The following DOCK11 variants were observed in gnomAD, a reference collection of about 807,000 sequenced individuals.
The protein encoded by DOCK11 is dedicator of cytokinesis 11, also known as dedicator of cytokinesis protein 11.
DOCK11 carries 70 observed loss-of-function variants against 169.1 expected under a neutral mutation model. The ratio of observed to expected loss-of-function variants is 0.41; its 90% CI spans 0.34 to 0.51. The LOEUF (loss-of-function observed/expected upper bound fraction) is 0.51. DOCK11 is among the 20% of genes least tolerant of loss of function. DOCK11 has a pLI of 0.10. For synonymous variants in DOCK11, 529 were observed against 541.3 expected, an observed-to-expected ratio of 0.98 and a Z score of 0.32; for missense variants, 1,166 against 1,538.8, an observed-to-expected ratio of 0.76 and a Z score of 4.05.
In DOCK11 at chrX:118,545,371, T is replaced by G; in HGVS notation, c.441T>G (p.Asp147Glu). The G allele has an allele frequency of 8.3e-7, 1 of 1,198,877 alleles. No individual in the cohort carries two copies. Among genetic ancestry groups the G allele is most frequent in the Non-Finnish European group, 1.1e-6 (1 of 889,150 alleles). ...EKIPNHVFEI[D>E]EDCEKDEDSS... ...TTCCTAATCATGTATTTGAGATAGA[T>G]GAAGACTGTGAGAAAGATGAGGTAA... is the stretch of plus-strand genomic sequence containing the variant. The change falls in exon 5 of 53, where the codon GAT (aspartate) becomes GAG (glutamate). Residue 147 changes from aspartate (D) to glutamate (E), a missense_variant. Coordinates refer to ENST00000276202, the MANE Select transcript of DOCK11 (RefSeq NM_144658.4).
intron 40 of DOCK11, among the ~76,000 whole-genome samples, chrX:118,646,178 T>G (rs768232442): frequency 9.0e-6 from 1 of 110,733 alleles, no homozygotes; most frequent in East Asian, 2.8e-4. Context: ...ATGACATACA[T>G]GTGCCAAGGC....
chrX:118,634,378 T>C (rs1222470632), intron 35 of DOCK11, among the ~76,000 whole-genome samples: 1 of 112,399 alleles, frequency 8.9e-6, no homozygotes, highest in Non-Finnish European at 1.9e-5. Flanking sequence ...GTTAAGAAAA[T>C]GGCGGACTTG....
At chrX:118,515,157 A>G (rs960540869) in intron 1 of DOCK11, among the ~76,000 whole-genome samples, 1 of 111,952 alleles carries the variant, frequency 8.9e-6, no homozygotes, top group African/African-American at 3.3e-5. Flanking sequence ...TTTCTTATCA[A>G]GATACTTGTG....
At chrX:118,547,461 A>G (rs746628262) in intron 6 of DOCK11, among the ~76,000 whole-genome samples, 61 of 112,403 alleles carry the variant, frequency 5.4e-4, no homozygotes, top group African/African-American at 1.8e-3. Flanking sequence ...GGCATCAGCA[A>G]GTGGTGATAA....
intron 41 of DOCK11, among the ~76,000 whole-genome samples, chrX:118,651,292 G>A (rs1402785478): frequency 9.0e-6 from 1 of 111,374 alleles, no homozygotes; most frequent in African/African-American, 3.3e-5. Flanking sequence ...AAATTAGTTA[G>A]GTGTGGTGGC....
rs1164519959 is a variant in DOCK11, at chrX:118,555,571, AAAAC to A, written c.559-5808_559-5805del. On this transcript the variant is annotated intron_variant, in intron 6 of 52. Transcript: ENST00000276202. ...GACTTCATCTTGAAAAGAAAAAAAA[AAAAC>A]AAAATAAACTTGATAGGACTGTAAA... 2.7e-5 allele frequency among the ~76,000 whole-genome samples: 3 copies of A among 109,924 alleles called. No homozygotes were observed. The East Asian group carries it at 8.6e-4, about 31-fold the overall frequency.
chrX:118,586,421 A>G (rs986291484), intron 16 of DOCK11, among the ~76,000 whole-genome samples: 9 of 110,797 alleles, frequency 8.1e-5, no homozygotes, highest in Admixed American at 4.8e-4. Context: ...TGAAAGAGGA[A>G]CTTCCAAACA....
At chrX:118,632,832 G>C (rs2015277926) in intron 35 of DOCK11, 1 of 109,360 alleles carries the variant, frequency 9.1e-6, no homozygotes. Flanking sequence ...AGGCCTTACT[G>C]CTTAGTTTAT....
intron 1 of DOCK11, among the ~76,000 whole-genome samples, chrX:118,517,689 C>T (rs1176453213): frequency 9.0e-6 from 1 of 111,092 alleles, no homozygotes; most frequent in Admixed American, 9.7e-5. Flanking sequence ...ATCTCAGATT[C>T]TCTGTCTGCT....
At chrX:118,627,190 C>T (rs969742877) in intron 32 of DOCK11, among the ~76,000 whole-genome samples, 13 of 111,332 alleles carry the variant, frequency 1.2e-4, no homozygotes, top group Non-Finnish European at 2.1e-4. Context: ...ATCATGCCAC[C>T]GCACTCTAGC....
intron 18 of DOCK11, 129 bp downstream of exon 18, chrX:118,588,607 T>TA: frequency 2.1e-6 from 1 of 474,281 alleles, no homozygotes; most frequent in Non-Finnish European, 3.4e-6. Flanking sequence ...ACAAATGTAA[T>TA]ACTTTCTTTT....
At chrX:118,506,669 A>G (rs948700356) in intron 1 of DOCK11, among the ~76,000 whole-genome samples, 2 of 112,233 alleles carry the variant, frequency 1.8e-5, no homozygotes, top group Non-Finnish European at 3.8e-5. Flanking sequence ...GTCTCAAAAA[A>G]AAAATTATAT....
At chrX:118,574,442 G>A (rs1374792799) in intron 12 of DOCK11, among the ~76,000 whole-genome samples, 11 of 111,131 alleles carry the variant, frequency 9.9e-5, no homozygotes, top group East Asian at 5.7e-4. Flanking sequence ...GGTGATGTGC[G>A]CCTGTAATCC....
At chrX:118,632,174 C>T (rs1324283459) in intron 35 of DOCK11, among the ~76,000 whole-genome samples, 3 of 111,033 alleles carry the variant, frequency 2.7e-5, no homozygotes, top group East Asian at 2.8e-4. Flanking sequence ...AGGATGGTCT[C>T]GATCTCCTGA....
intron 1 of DOCK11, among the ~76,000 whole-genome samples, chrX:118,518,307 G>A (rs1204476840): frequency 9.0e-6 from 1 of 111,498 alleles, no homozygotes; most frequent in East Asian, 2.8e-4. Flanking sequence ...CCTCTCTACT[G>A]TGTGCCTCTT....
At chrX:118,647,436 T>C (rs113210793) in intron 40 of DOCK11, among the ~76,000 whole-genome samples, 11,695 of 88,611 alleles carry the variant, frequency 0.13, 772 homozygotes, top group Non-Finnish European at 0.16. Flanking sequence ...AAGTAATTGC[T>C]ACTATATCAC....
chrX:118,556,180 G>A (rs766527781), intron 6 of DOCK11, among the ~76,000 whole-genome samples: 5 of 108,093 alleles, frequency 4.6e-5, no homozygotes, highest in African/African-American at 1.7e-4. Context: ...AAGTAGCTGG[G>A]ATTACAGGTG....
Position 118,588,140 on chromosome X carries a change from G to T in DOCK11, c.1799G>T (p.Cys600Phe), listed in dbSNP as rs760452733. The T allele has an allele frequency of 8.5e-7, 1 of 1,181,915 alleles. No homozygotes were observed. Among genetic ancestry groups the T allele is most frequent in the Non-Finnish European group, 1.1e-6 (1 of 882,970 alleles). Residue 600 changes from cysteine (C) to phenylalanine (F), a missense_variant, in exon 17 of 53, where the codon TGT (cysteine) becomes TTT (phenylalanine). Coordinates refer to ENST00000276202, the MANE Select transcript of DOCK11 (RefSeq NM_144658.4). ...CCTGTTTTTTTCCCTGCTATAGATT[G>T]TATTACTTCTTCATATGTGCCCTTG... Reference protein sequence around the residue: ...VECVPVDLSNCITSSYVPLKP... With the variant: ...VECVPVDLSNFITSSYVPLKP...
At chrX:118,585,893 T>C (rs978997207) in intron 16 of DOCK11, among the ~76,000 whole-genome samples, 2 of 112,285 alleles carry the variant, frequency 1.8e-5, no homozygotes, top group Admixed American at 9.4e-5. Flanking sequence ...CTAGTAAATA[T>C]GTGAAAAATA....
Sources: gnomAD v4.1 joint callset for allele counts (sites outside exome capture counted in the v4.1 genomes callset) on GRCh38, gnomAD v4.1.1 for gene constraint, MANE v1.5 for transcripts, NCBI Gene and HGNC (gene_info 2026-07-23, HGNC 2026-07-21) for gene names.